Variants in ELAVL4 observed in about 807,000 individuals in gnomAD.
The protein encoded by ELAVL4 is ELAV like RNA binding protein 4.
Under a neutral mutation model 35.6 loss-of-function variants are expected in ELAVL4, and 1 was observed. The observed-to-expected ratio is 0.03, with a 90% CI of 0.01 to 0.13. The LOEUF (loss-of-function observed/expected upper bound fraction) is 0.13, where lower values mean the gene tolerates loss of function less well. Ranked by LOEUF, ELAVL4 falls within the 10% of genes least tolerant of loss-of-function variation. The pLI, the probability that ELAVL4 is intolerant of heterozygous loss-of-function variation, is 1.00. For missense variants in ELAVL4, 267 were observed against 464.9 expected, an observed-to-expected ratio of 0.57 and a Z score of 3.91; for synonymous variants, 156 against 171.0, an observed-to-expected ratio of 0.91 and a Z score of 0.69.
chr1:50,067,100 C>CCTGTCAA, intron 1 of ELAVL4, among the ~76,000 whole-genome samples: 1 of 152,252 alleles, frequency 6.6e-6, no homozygotes, highest in East Asian at 1.9e-4. Context: ...GTTTTATTCA[C>CCTGTCAA]TTTCCCCTCC....
At chr1:50,173,657 G>T (rs76814157) in intron 2 of ELAVL4, among the ~76,000 whole-genome samples, 8 of 152,242 alleles carry the variant, frequency 5.3e-5, no homozygotes, top group Non-Finnish European at 8.8e-5. Flanking sequence ...TAATAAAGAG[G>T]ATTCAATAAA....
At chr1:50,185,768 G>C (rs1681726835) in intron 3 of ELAVL4, among the ~76,000 whole-genome samples, 1 of 152,124 alleles carries the variant, frequency 6.6e-6, no homozygotes, top group East Asian at 1.9e-4. Flanking sequence ...GATGAGTAAG[G>C]GAGTAAAGAA....
chr1:50,089,232 AAAGGAAGC>A (rs780145768), intron 1 of ELAVL4, among the ~76,000 whole-genome samples: 16 of 152,316 alleles, frequency 1.1e-4, no homozygotes, highest in Non-Finnish European at 1.8e-4. Flanking sequence ...GTAATGTTGG[AAAGGAAGC>A]AAGGAGGCTA....
intron 1 of ELAVL4, chr1:50,144,540 T>G (rs1035536188): frequency 8.3e-6 from 4 of 484,176 alleles, no homozygotes; most frequent in African/African-American, 5.9e-5. Context: ...GTACTGTATT[T>G]GATCTTGTGA....
At chr1:50,187,453 G>A (rs1188428070) in intron 3 of ELAVL4, among the ~76,000 whole-genome samples, 1 of 152,198 alleles carries the variant, frequency 6.6e-6, no homozygotes, top group East Asian at 1.9e-4. Flanking sequence ...AAGTGATGCA[G>A]CTCAGAAAGG....
chr1:50,132,540 T>C (rs527304532), intron 1 of ELAVL4, among the ~76,000 whole-genome samples: 18 of 152,306 alleles, frequency 1.2e-4, no homozygotes, highest in African/African-American at 4.3e-4. Flanking sequence ...TGCCGGGCGA[T>C]AGGCAGACTT....
intron 1 of ELAVL4, chr1:50,109,782 A>G: frequency 1.2e-6 from 1 of 800,484 alleles, no homozygotes; most frequent in Non-Finnish European, 2.1e-6. Flanking sequence ...GACCTCATAA[A>G]AAAGAGGAGG....
At chr1:50,174,291 C>T (rs896484305) in intron 2 of ELAVL4, 3 of 152,154 alleles carry the variant, frequency 2.0e-5, no homozygotes, top group Admixed American at 6.5e-5. Context: ...ATGAACTAGG[C>T]TAACCACAGG....
chr1:50,155,261 T>C (rs1675533367), intron 2 of ELAVL4, among the ~76,000 whole-genome samples: 1 of 148,334 alleles, frequency 6.7e-6, no homozygotes, highest in South Asian at 2.2e-4. Context: ...TCTAGGAGTT[T>C]TCTTTACATC....
rs2148690615 is a variant in ELAVL4, at chr1:50,145,084, C to G, written c.137C>G (p.Thr46Ser). The change falls in exon 2 of 7, where the codon ACC becomes AGC. Residue 46 changes from threonine (T) to serine (S), a missense_variant. Transcript: ENST00000371824. Reference sequence around the variant, plus strand: ...GGGGCAACCACAGATGACAGCAAAACCAACCTCATCGTCAACTATTTACCC... The same window carrying G: ...GGGGCAACCACAGATGACAGCAAAAGCAACCTCATCGTCAACTATTTACCC... ...QTGATTDDSK[T>S]NLIVNYLPQN... is the part of the protein sequence containing the mutation. 1 of 1,614,006 alleles carries G rather than the reference C, an allele frequency of 6.2e-7. No individual in the cohort carries two copies. Among genetic ancestry groups the G allele is most frequent in the Admixed American group, 1.7e-5 (1 of 60,008 alleles).
chr1:50,165,752 A>G (rs7415750), intron 2 of ELAVL4, among the ~76,000 whole-genome samples: 10,494 of 31,062 alleles, frequency 0.34, 831 homozygotes, highest in East Asian at 0.62. Context: ...ATATACATAT[A>G]TGTGTATATG....
chr1:50,188,078 G>C (rs1682103546), intron 3 of ELAVL4, among the ~76,000 whole-genome samples: 1 of 152,096 alleles, frequency 6.6e-6, no homozygotes, highest in Admixed American at 6.5e-5. Flanking sequence ...CTGGGCAACA[G>C]AGTAAGACTT....
chr1:50,123,190 T>C (rs781702960), intron 1 of ELAVL4, among the ~76,000 whole-genome samples: 29 of 152,064 alleles, frequency 1.9e-4, no homozygotes, highest in Non-Finnish European at 3.2e-4. Flanking sequence ...CAAATATTCA[T>C]CTGTTTATCT....
At chr1:50,089,310 A>ATTTAATTT (rs1414734635) in intron 1 of ELAVL4, among the ~76,000 whole-genome samples, 3 of 152,234 alleles carry the variant, frequency 2.0e-5, no homozygotes, top group Non-Finnish European at 4.4e-5. Flanking sequence ...AATTAAATTA[A>ATTTAATTT]AGATGTAAGG....
intron 1 of ELAVL4, among the ~76,000 whole-genome samples, chr1:50,081,478 A>G (rs557029287): frequency 2.0e-5 from 3 of 152,346 alleles, no homozygotes; most frequent in South Asian, 4.1e-4. Context: ...CTGCTGACCT[A>G]TGTTAAAATG....
chr1:50,197,560 GA>G (rs1644134141), intron 6 of ELAVL4, 93 bp downstream of exon 6: 5 of 1,174,406 alleles, frequency 4.3e-6, no homozygotes, highest in South Asian at 4.4e-5. Flanking sequence ...TACTTTAAAA[GA>G]AAAAAATTCT....
rs964926466 is a variant in ELAVL4, at chr1:50,126,506, A to G, written c.9+17308A>G. On this transcript the variant is annotated intron_variant, in intron 1 of 6. Transcript: ENST00000371824. ...ATTTCAAGGAAGGACTCCTGTGCTA[A>G]CTGGAATTATACATAAACCTAATTG... Among the ~76,000 whole-genome samples, 4 of 152,240 alleles carry G rather than the reference A, an allele frequency of 2.6e-5. No individual in the cohort carries two copies. The East Asian group carries it at 5.8e-4, about 22-fold the overall frequency.
intron 1 of ELAVL4, among the ~76,000 whole-genome samples, chr1:50,132,149 C>T (rs1203911020): frequency 6.6e-6 from 1 of 151,904 alleles, no homozygotes; most frequent in Non-Finnish European, 1.5e-5. Flanking sequence ...TATTTTTAAT[C>T]GATACGTATT....
At chr1:50,075,427 G>A (rs1305527943) in intron 1 of ELAVL4, among the ~76,000 whole-genome samples, 1 of 152,192 alleles carries the variant, frequency 6.6e-6, no homozygotes, top group Non-Finnish European at 1.5e-5. Context: ...TGGATACAAA[G>A]ATGTGATGTA....
Sources: gnomAD v4.1 joint callset for allele counts (sites outside exome capture counted in the v4.1 genomes callset) on GRCh38, gnomAD v4.1.1 for gene constraint, MANE v1.5 for transcripts, NCBI Gene and HGNC (gene_info 2026-07-23, HGNC 2026-07-21) for gene names.